The following PPP1R9A variants were observed in gnomAD, a reference collection of about 807,000 sequenced individuals.
The protein encoded by PPP1R9A is neurabin-1.
Under a neutral mutation model 141.9 loss-of-function variants are expected in PPP1R9A, and 59 were observed. The ratio of observed to expected loss-of-function variants is 0.42; its 90% CI spans 0.34 to 0.52. The LOEUF is 0.52. Among genes scored for constraint, PPP1R9A ranks in the 20% least tolerant of loss-of-function variants. The pLI is 0.10. For synonymous variants in PPP1R9A, 500 were observed against 569.7 expected (o/e 0.88, Z 1.74); for missense variants, 1,444 against 1,611.9 (o/e 0.90, Z 1.78).
chr7:94,969,320 G>A (rs1247301528), intron 2 of PPP1R9A, among the ~76,000 whole-genome samples: 3 of 152,026 alleles, frequency 2.0e-5, no homozygotes, highest in Non-Finnish European at 4.4e-5. Context: ...CCTTTGGATG[G>A]GGTTTCTGTG....
intron 2 of PPP1R9A, among the ~76,000 whole-genome samples, chr7:94,997,055 C>T (rs979560758): frequency 1.2e-4 from 19 of 152,064 alleles, no homozygotes; most frequent in African/African-American, 4.3e-4. Flanking sequence ...CCACCTGCCT[C>T]GGCCTCCCAA....
intron 2 of PPP1R9A, among the ~76,000 whole-genome samples, chr7:94,930,586 C>T (rs1355667094): frequency 1.3e-5 from 2 of 152,062 alleles, no homozygotes; most frequent in East Asian, 3.9e-4. Flanking sequence ...TGATTTTGCC[C>T]GCCTCGGCCT....
chr7:95,271,995 G>A (rs1467547485), intron 14 of PPP1R9A, among the ~76,000 whole-genome samples: 1 of 152,162 alleles, frequency 6.6e-6, no homozygotes, highest in Non-Finnish European at 1.5e-5. Flanking sequence ...CCCTATGGAA[G>A]CATTCATTTC....
chr7:95,167,444 T>C (rs1182262352), intron 5 of PPP1R9A, among the ~76,000 whole-genome samples: 1 of 152,114 alleles, frequency 6.6e-6, no homozygotes, highest in African/African-American at 2.4e-5. Context: ...TAACATTGTA[T>C]TGAGTGGGGA....
chr7:95,175,677 T>C (rs1331388332), intron 5 of PPP1R9A, among the ~76,000 whole-genome samples: 3 of 152,132 alleles, frequency 2.0e-5, no homozygotes, highest in African/African-American at 7.2e-5. Flanking sequence ...TTTTCAATGA[T>C]TTATATGTTT....
intron 2 of PPP1R9A, among the ~76,000 whole-genome samples, chr7:95,084,317 A>G (rs1342372322): frequency 2.0e-5 from 3 of 152,050 alleles, no homozygotes; most frequent in African/African-American, 4.8e-5. Flanking sequence ...TGAAATAAAA[A>G]TTAACTTTAA....
rs147773095 is a variant in PPP1R9A at position 95,274,089 on chromosome 7, C to G, written c.3217C>G (p.Pro1073Ala). 3 of 1,577,402 alleles carry G rather than the reference C, an allele frequency of 1.9e-6. No homozygotes were observed. The highest frequency in any genetic ancestry group is 3.5e-5 in the Admixed American group (2 of 57,802). ...GACTGCTTACTATCATTACAGGGCGCCTTTGCGAAGGAATTCCAGCAAGGG... is the reference window on the plus strand; with the variant it reads ...GACTGCTTACTATCATTACAGGGCGGCTTTGCGAAGGAATTCCAGCAAGGG... ...IKRKFVDLGA[P>A]LRRNSSKGKK... Residue 1073 changes from proline to alanine, a missense_variant, in exon 16 of 20, where the codon CCT (proline) becomes GCT (alanine). This residue lies in a region of PPP1R9A where 459 missense variants were observed against 513.8 expected (regional missense o/e 0.89). Transcript: ENST00000433360.
At chr7:94,949,226 G>C (rs1180394887) in intron 2 of PPP1R9A, among the ~76,000 whole-genome samples, 1 of 152,148 alleles carries the variant, frequency 6.6e-6, no homozygotes, top group Non-Finnish European at 1.5e-5. Flanking sequence ...TCAAGGGCTA[G>C]CACTTGCTTT....
Position 95,192,001 on chromosome 7 carries a change from ATTG to A in PPP1R9A, c.1755-6345_1755-6343del, listed in dbSNP as rs545548303. Among the ~76,000 whole-genome samples the A allele has an allele frequency of 2.4e-4, 37 of 152,210 alleles. No homozygotes were observed. The East Asian group carries it at 6.2e-3, about 25-fold the overall frequency. Reference sequence around the variant, plus strand: ...TATTTAGGACTGATTATTGCTGACTATTGTTATATTTTTGAAGGTTTTAAAAAT... The same window carrying A: ...TATTTAGGACTGATTATTGCTGACTATTATATTTTTGAAGGTTTTAAAAAT... On this transcript the variant is annotated intron_variant, in intron 5 of 19. Coordinates refer to ENST00000433360, the MANE Select transcript of PPP1R9A (RefSeq NM_001166160.2).
chr7:95,008,436 G>T (rs1803927199), intron 2 of PPP1R9A, among the ~76,000 whole-genome samples: 1 of 152,134 alleles, frequency 6.6e-6, no homozygotes, highest in Admixed American at 6.6e-5. Flanking sequence ...CTTATTGTGG[G>T]ATTCTGTTTT....
chr7:95,017,008 G>C (rs759357307), intron 2 of PPP1R9A, among the ~76,000 whole-genome samples: 1 of 152,112 alleles, frequency 6.6e-6, no homozygotes, highest in Admixed American at 6.6e-5. Flanking sequence ...GAGAAGAGAC[G>C]CAGTGGGAAG....
intron 3 of PPP1R9A, among the ~76,000 whole-genome samples, chr7:95,113,409 T>C (rs917992249): frequency 2.0e-5 from 3 of 152,270 alleles, no homozygotes; most frequent in Admixed American, 6.5e-5. Flanking sequence ...GAAGAACTTA[T>C]CCATTTATGA....
At chr7:95,159,641 G>A (rs949958340) in intron 4 of PPP1R9A, among the ~76,000 whole-genome samples, 2 of 151,778 alleles carry the variant, frequency 1.3e-5, no homozygotes, top group African/African-American at 4.8e-5. Flanking sequence ...AATATGACTC[G>A]GGCCGACCGT....
chr7:95,259,298 T>TC (rs1183881706), intron 12 of PPP1R9A, among the ~76,000 whole-genome samples: 1 of 151,810 alleles, frequency 6.6e-6, no homozygotes, highest in East Asian at 1.9e-4. Flanking sequence ...TTTTTTTTTT[T>TC]CTTTCTTCAT....
chr7:95,011,650 C>T (rs1304987326), intron 2 of PPP1R9A, among the ~76,000 whole-genome samples: 1 of 152,128 alleles, frequency 6.6e-6, no homozygotes. Flanking sequence ...GAACAACTTT[C>T]AGTTGAAATT....
chr7:95,235,288 A>T (rs1274280979), intron 8 of PPP1R9A, among the ~76,000 whole-genome samples: 3 of 152,218 alleles, frequency 2.0e-5, no homozygotes. Context: ...ACGAATATCC[A>T]GAATCCACAA....
intron 4 of PPP1R9A, among the ~76,000 whole-genome samples, chr7:95,161,289 T>C (rs537796677): frequency 7.9e-5 from 12 of 152,296 alleles, no homozygotes; most frequent in African/African-American, 2.9e-4. Context: ...AAGTGGAGCA[T>C]TGTTTTATGT....
intron 2 of PPP1R9A, among the ~76,000 whole-genome samples, chr7:94,945,750 C>T (rs1795827388): frequency 6.6e-6 from 1 of 151,926 alleles, no homozygotes. Flanking sequence ...TCTTACTGAT[C>T]TGATTATTTG....
At chr7:95,020,000 C>T (rs1471923640) in intron 2 of PPP1R9A, among the ~76,000 whole-genome samples, 1 of 152,034 alleles carries the variant, frequency 6.6e-6, no homozygotes, top group Non-Finnish European at 1.5e-5. Context: ...CATACCCAAA[C>T]AGTGGACTCA....
Sources: gnomAD v4.1 joint callset for allele counts (sites outside exome capture counted in the v4.1 genomes callset) on GRCh38, gnomAD v4.1.1 for gene constraint, gnomAD v4.1.1 regional missense constraint, MANE v1.5 for transcripts, NCBI Gene and HGNC (gene_info 2026-07-23, HGNC 2026-07-21) for gene names.